Variants in NFYC observed in about 807,000 individuals in gnomAD.
NFYC encodes the protein CAAT box DNA-binding protein subunit C.
NFYC carries 25 observed loss-of-function variants against 53.1 expected under a neutral mutation model. The observed-to-expected ratio is 0.47, with a 90% CI of 0.34 to 0.66. NFYC has a LOEUF of 0.66. Ranked by LOEUF, NFYC falls within the 30% of genes least tolerant of loss-of-function variation. The pLI, the probability that NFYC is intolerant of heterozygous loss-of-function variation, is 0.01. For missense variants in NFYC, 260 were observed against 422.7 expected (o/e 0.62, Z 3.38); for synonymous variants, 145 against 152.6 (o/e 0.95, Z 0.37).
intron 1 of NFYC, among the ~76,000 whole-genome samples, chr1:40,733,052 A>G (rs1388953975): frequency 1.7e-5 from 2 of 116,160 alleles, no homozygotes; most frequent in African/African-American, 3.3e-5. Flanking sequence ...CATACCCAGC[A>G]TCAGTCTTGC....
chr1:40,729,027 G>A (rs1364562638), intron 1 of NFYC, among the ~76,000 whole-genome samples: 1 of 152,194 alleles, frequency 6.6e-6, no homozygotes, highest in Admixed American at 6.5e-5. Context: ...GGTCTCAACA[G>A]TGAGCTTAAA....
chr1:40,701,704 T>G (rs1325403903), intron 1 of NFYC, among the ~76,000 whole-genome samples: 1 of 152,234 alleles, frequency 6.6e-6, no homozygotes, highest in Non-Finnish European at 1.5e-5. Context: ...TACAGTAGAC[T>G]TTAATCTCTT....
chr1:40,705,510 G>C (rs1224885267), intron 1 of NFYC, among the ~76,000 whole-genome samples: 2 of 152,134 alleles, frequency 1.3e-5, no homozygotes, highest in African/African-American at 2.4e-5. Flanking sequence ...CTCTTTATTT[G>C]GATGCCATTG....
At chr1:40,735,450 C>A in intron 1 of NFYC, 1 of 257,914 alleles carries the variant, frequency 3.9e-6, no homozygotes, top group Non-Finnish European at 6.1e-6. Flanking sequence ...GCTGATCATG[C>A]CTGCACATCT....
At chr1:40,753,089 T>C (rs1437521570) in intron 4 of NFYC, 62 bp from the exon 5 acceptor site, 1 of 1,255,262 alleles carries the variant, frequency 8.0e-7, no homozygotes, top group African/African-American at 1.5e-5. Context: ...TTGGAGGGTA[T>C]AAAGCCAAGT....
At chr1:40,753,016 C>T in intron 4 of NFYC, 135 bp from the exon 5 acceptor site, 1 of 621,272 alleles carries the variant, frequency 1.6e-6, no homozygotes, top group Middle Eastern at 3.6e-4. Flanking sequence ...TTTGGCTGTG[C>T]TTATTTCAGC....
chr1:40,730,528 G>T (rs1020505562), intron 1 of NFYC: 1 of 983,002 alleles, frequency 1.0e-6, no homozygotes, highest in Non-Finnish European at 1.2e-6. Context: ...ATAAAACAAG[G>T]TATAGTTGTA....
intron 1 of NFYC, chr1:40,712,592 A>C (rs958611154): frequency 3.4e-5 from 5 of 148,508 alleles, no homozygotes; most frequent in African/African-American, 1.2e-4. Context: ...TATCCTGTCA[A>C]TTTTCAAGCA....
intron 1 of NFYC, among the ~76,000 whole-genome samples, chr1:40,715,266 C>T (rs1342887713): frequency 2.0e-5 from 3 of 151,416 alleles, no homozygotes; most frequent in East Asian, 1.9e-4. Context: ...ATTAGCCAGG[C>T]GTAGTCCCAG....
chr1:40,743,594 A>C (rs1219214251), intron 2 of NFYC, among the ~76,000 whole-genome samples: 1 of 152,210 alleles, frequency 6.6e-6, no homozygotes, highest in Non-Finnish European at 1.5e-5. Context: ...TTTAATTGGC[A>C]GTTTCATCTT....
chr1:40,767,552 G>T (rs986367622), intron 8 of NFYC, among the ~76,000 whole-genome samples: 1 of 152,092 alleles, frequency 6.6e-6, no homozygotes, highest in Non-Finnish European at 1.5e-5. Flanking sequence ...CGGCTTTTCC[G>T]TAGCTGATAC....
intron 1 of NFYC, among the ~76,000 whole-genome samples, chr1:40,697,206 A>G (rs1046800435): frequency 1.3e-5 from 2 of 152,226 alleles, no homozygotes; most frequent in African/African-American, 2.4e-5. Flanking sequence ...GTGGACCTTA[A>G]TAAGTGGGAG....
At chr1:40,769,457 C>A (rs372557232) in intron 9 of NFYC, 42 bp downstream of exon 9, 1 of 1,575,998 alleles carries the variant, frequency 6.3e-7, no homozygotes, top group Admixed American at 1.7e-5. Context: ...TGAGGATTTG[C>A]GGGGCAGGGT....
intron 4 of NFYC, 60 bp downstream of exon 4, chr1:40,749,746 C>G: frequency 7.4e-7 from 1 of 1,357,066 alleles, no homozygotes; most frequent in Non-Finnish European, 1.1e-6. Flanking sequence ...GCCTGTTTTC[C>G]TGCGTGGTGT....
chr1:40,753,186 T>C lies in NFYC; in HGVS notation c.327T>C (p.Asp109=), dbSNP rs1322005253. 13 of 1,613,942 alleles carry C rather than the reference T, an allele frequency of 8.1e-6. No homozygotes were observed. The highest frequency in any genetic ancestry group is 1.1e-5 in the Non-Finnish European group (13 of 1,179,898). Residue 109 remains aspartate, a synonymous_variant, in exon 5 of 10, where the codon GAT becomes GAC. Coordinates refer to ENST00000447388, the MANE Select transcript of NFYC (RefSeq NM_014223.5). ...NDIAMAITKF[D]QFDFLIDIVP... ...TCGCCATGGCAATTACAAAATTTGATCAGTTTGATTTTCTCATCGATATTG... is the reference window on the plus strand; with the variant it reads ...TCGCCATGGCAATTACAAAATTTGACCAGTTTGATTTTCTCATCGATATTG...
intron 1 of NFYC, among the ~76,000 whole-genome samples, chr1:40,699,597 G>A (rs1402722029): frequency 1.3e-5 from 2 of 152,172 alleles, no homozygotes; most frequent in African/African-American, 4.8e-5. Context: ...CAATCACTTA[G>A]GAGGCAAAGG....
intron 5 of NFYC, chr1:40,754,319 G>T: frequency 1.9e-6 from 1 of 534,402 alleles, no homozygotes; most frequent in Non-Finnish European, 3.8e-6. Context: ...CTCCTTACTA[G>T]AGTAGGGTGT....
At chr1:40,724,323 G>A (rs868296822) in intron 1 of NFYC, among the ~76,000 whole-genome samples, 6 of 152,120 alleles carry the variant, frequency 3.9e-5, no homozygotes, top group African/African-American at 9.7e-5. Context: ...AGCCGAGATC[G>A]TGCCATTGTA....
chr1:40,734,716 T>G (rs1306935081), intron 1 of NFYC: 1 of 152,224 alleles, frequency 6.6e-6, no homozygotes, highest in Non-Finnish European at 1.5e-5. Context: ...ATGCAAAGAA[T>G]GGATCTGCTT....
Sources: gnomAD v4.1 joint callset for allele counts (sites outside exome capture counted in the v4.1 genomes callset) on GRCh38, gnomAD v4.1.1 for gene constraint, MANE v1.5 for transcripts, NCBI Gene and HGNC (gene_info 2026-07-23, HGNC 2026-07-21) for gene names.